Variants in CD300E observed in about 807,000 individuals in gnomAD.
CD300E encodes the protein CMRF35-like molecule 2.
CD300E carries 14 observed loss-of-function variants against 20.9 expected under a neutral mutation model. That is an observed-to-expected ratio of 0.67 (90% CI 0.44 to 1.05). The LOEUF (loss-of-function observed/expected upper bound fraction) is 1.05, where lower values mean the gene tolerates loss of function less well. Among genes scored for constraint, CD300E ranks in the 50% least tolerant of loss-of-function variants. The pLI is 0.00. For synonymous variants in CD300E, 102 were observed against 103.7 expected (o/e 0.98, Z 0.10); for missense variants, 237 against 253.9 (o/e 0.93, Z 0.45).
intron 3 of CD300E, 36 bp from the exon 4 acceptor site, chr17:74,612,809 G>A (rs746539673): frequency 2.5e-5 from 40 of 1,610,056 alleles, no homozygotes; most frequent in African/African-American, 1.2e-4. Flanking sequence ...TCACTTCCCC[G>A]GGAGAACCCC....
chr17:74,614,771 C>G (rs1041286128), intron 2 of CD300E, among the ~76,000 whole-genome samples: 1 of 152,130 alleles, frequency 6.6e-6, no homozygotes, highest in Non-Finnish European at 1.5e-5. Flanking sequence ...CGTGAGCCAC[C>G]GCGCCCGGCC....
intron 2 of CD300E, among the ~76,000 whole-genome samples, chr17:74,615,905 G>A (rs1404243598): frequency 6.6e-6 from 1 of 152,126 alleles, no homozygotes; most frequent in Non-Finnish European, 1.5e-5. Flanking sequence ...GGGCAACGCG[G>A]GAAGATGCTG....
At chr17:74,619,840 A>G (rs1338540603) in intron 1 of CD300E, among the ~76,000 whole-genome samples, 6 of 152,216 alleles carry the variant, frequency 3.9e-5, no homozygotes, top group African/African-American at 9.6e-5. Flanking sequence ...AGCAAACATC[A>G]GTCCCTTTGA....
chr17:74,612,825 C>T (rs1179837181), intron 3 of CD300E, 52 bp from the exon 4 acceptor site: 5 of 1,601,108 alleles, frequency 3.1e-6, no homozygotes, highest in Non-Finnish European at 4.3e-6. Context: ...ACCCCCAGGA[C>T]CCTTCTCTCC....
At chr17:74,619,148 C>G (rs1378876173) in intron 1 of CD300E, 1 of 471,104 alleles carries the variant, frequency 2.1e-6, no homozygotes, top group African/African-American at 2.0e-5. Flanking sequence ...CACATCCCAG[C>G]AGCACCTCCT....
In CD300E at chr17:74,617,296, C is replaced by T; in HGVS notation, c.210G>A (p.Val70=). Residue 70 remains valine, a synonymous_variant, in exon 2 of 4, where the codon GTG becomes GTA. Coordinates refer to ENST00000392619, the MANE Select transcript of CD300E (RefSeq NM_181449.3). ...TGATGGACACGCGGCCATTCCTCTC[C>T]ACCTTCTCTTCTCCCTTGGTCTCCA... is the stretch of plus-strand genomic sequence containing the variant. The part of the protein sequence containing the change: ...SIVETKGEEK[V]ERNGRVSIRD... 4 of 1,614,102 alleles carry T rather than the reference C, an allele frequency of 2.5e-6. No homozygotes were observed. The highest frequency in any genetic ancestry group is 2.2e-5 in the East Asian group (1 of 44,896).
rs1248083433 is a variant in CD300E, at chr17:74,611,085, G to A, written c.*1568C>T. On this transcript the variant is annotated 3_prime_UTR_variant, in exon 4 of 4. Transcript: ENST00000392619. Reference sequence around the variant, plus strand: ...TCTAGAGTTCTTCCTATGCTGTAATGACTTGGGAGCTTATCCTTCTCATAA... The same window carrying A: ...TCTAGAGTTCTTCCTATGCTGTAATAACTTGGGAGCTTATCCTTCTCATAA... 1 of 152,214 alleles carries A rather than the reference G, an allele frequency of 6.6e-6. No homozygotes were observed. Among genetic ancestry groups the A allele is most frequent in the African/African-American group, 2.4e-5 (1 of 41,438 alleles). 9.4% of individuals were successfully genotyped at this position (152,214 alleles called of 1,614,324 possible).
intron 2 of CD300E, among the ~76,000 whole-genome samples, chr17:74,615,296 AG>A (rs2030876504): frequency 6.6e-6 from 1 of 152,150 alleles, no homozygotes; most frequent in Admixed American, 6.5e-5. Context: ...GCTAAGGGGC[AG>A]GGGGCAGGGG....
chr17:74,610,120 T>C lies in CD300E; in HGVS notation c.*2533A>G, dbSNP rs1209911939. 6.6e-6 allele frequency: 1 copy of C among 152,338 alleles called. No homozygotes were observed. The highest frequency in any genetic ancestry group is 1.5e-5 in the Non-Finnish European group (1 of 68,072). 9.4% of individuals were successfully genotyped at this position (152,338 alleles called of 1,614,324 possible). ...CTTCTGAACTTCATTAGTGACCTTG[T>C]GAATGATAAGTTCAATAGCCTCCTC... On this transcript the variant is annotated 3_prime_UTR_variant, in exon 4 of 4. Coordinates refer to ENST00000392619, the MANE Select transcript of CD300E (RefSeq NM_181449.3).
At position 74,617,212 on chromosome 17, in the gene CD300E, A is replaced by G. The variant is rs1292236173; in HGVS notation, c.294T>C (p.Asp98=). 6.2e-7 allele frequency: 1 copy of G among 1,614,206 alleles called. No individual in the cohort carries two copies. Among genetic ancestry groups the G allele is most frequent in the South Asian group, 1.1e-5 (1 of 91,086 alleles). ...GAATTTTGCACCAGTAAGATCCAGCATCATCTTCATTGAGGTTCTGCATGG... is the reference window on the plus strand; with the variant it reads ...GAATTTTGCACCAGTAAGATCCAGCGTCATCTTCATTGAGGTTCTGCATGG... ...TVTMQNLNED[D]AGSYWCKIQT... is the part of the protein sequence containing the mutation. Residue 98 remains aspartate (D), a synonymous_variant, in exon 2 of 4, where the codon GAT becomes GAC. Coordinates refer to ENST00000392619, the MANE Select transcript of CD300E (RefSeq NM_181449.3).
At position 74,613,927 on chromosome 17, in the gene CD300E, T is replaced by C; in HGVS notation, c.495A>G (p.Ser165=). The C allele has an allele frequency of 6.2e-7, 1 of 1,611,712 alleles. No individual in the cohort carries two copies. ...GCCTCCAGGCCCTGCGTGCTTACCC[T>C]GAATTTTGGGTCAACACCTCCCCGG... ...LSTGEVLTQN[S]GFRLSSPHFL... is the part of the protein sequence containing the mutation. Residue 165 remains serine, a splice_region_variant and synonymous_variant, in exon 3 of 4, where the codon TCA becomes TCG. Transcript: ENST00000392619.
intron 1 of CD300E, among the ~76,000 whole-genome samples, chr17:74,623,204 C>A (rs1299408299): frequency 6.6e-6 from 1 of 152,208 alleles, no homozygotes; most frequent in African/African-American, 2.4e-5. Context: ...GATGGACTTC[C>A]AATGAAGCCT....
At chr17:74,619,629 C>T (rs1275021794) in intron 1 of CD300E, among the ~76,000 whole-genome samples, 2 of 152,084 alleles carry the variant, frequency 1.3e-5, no homozygotes, top group Admixed American at 6.6e-5. Flanking sequence ...CACACATACA[C>T]ACACACACAC....
intron 2 of CD300E, among the ~76,000 whole-genome samples, chr17:74,615,377 T>C (rs145040821): frequency 0.012 from 1,867 of 152,216 alleles, 18 homozygotes; most frequent in Admixed American, 0.02. Context: ...AGGATCACCC[T>C]TGGGCAGGAT....
intron 1 of CD300E, chr17:74,619,381 CAAG>C (rs1282550218): frequency 4.6e-6 from 1 of 215,624 alleles, no homozygotes; most frequent in Non-Finnish European, 9.6e-6. Flanking sequence ...CCACTCCAAT[CAAG>C]AAGATGCCAG....
chr17:74,614,936 C>T (rs1399187250), intron 2 of CD300E, among the ~76,000 whole-genome samples: 6 of 152,344 alleles, frequency 3.9e-5, no homozygotes, highest in Admixed American at 6.5e-5. Flanking sequence ...AGCAGTTGTC[C>T]TGGAGGCTCA....
intron 3 of CD300E, among the ~76,000 whole-genome samples, chr17:74,612,985 A>G (rs2030818122): frequency 6.6e-6 from 1 of 152,168 alleles, no homozygotes. Context: ...AGGAGAGGTG[A>G]TGGAGTGAAG....
At position 74,610,218 on chromosome 17, in the gene CD300E, T is replaced by A. The variant is rs2030746773; in HGVS notation, c.*2435A>T. On this transcript the variant is annotated 3_prime_UTR_variant, in exon 4 of 4. Coordinates refer to ENST00000392619, the MANE Select transcript of CD300E (RefSeq NM_181449.3). Reference sequence around the variant, plus strand: ...AACATTCATGGCTCTTGACTTCTCATCTTCCACCTGTTTGATTCTGCTCCA... The same window carrying A: ...AACATTCATGGCTCTTGACTTCTCAACTTCCACCTGTTTGATTCTGCTCCA... 1 of 152,482 alleles carries A rather than the reference T, an allele frequency of 6.6e-6. No homozygotes were observed. The highest frequency in any genetic ancestry group is 2.1e-4 in the South Asian group (1 of 4,820). 9.4% of individuals were successfully genotyped at this position (152,482 alleles called of 1,614,324 possible). A position where few individuals can be genotyped will look rare whatever the true frequency, so the allele number is the denominator to read the frequency against.
intron 1 of CD300E, among the ~76,000 whole-genome samples, chr17:74,620,154 T>C (rs1310808370): frequency 1.3e-5 from 2 of 151,146 alleles, no homozygotes; most frequent in African/African-American, 4.9e-5. Flanking sequence ...CTGGCCAACA[T>C]GGTGAAATCC....
Sources: allele counts gnomAD v4.1 joint callset (sites outside exome capture counted in the v4.1 genomes callset), GRCh38; gene constraint gnomAD v4.1.1; transcripts MANE v1.5; gene names NCBI Gene and HGNC (gene_info 2026-07-23, HGNC 2026-07-21).